Variants in SLC12A8 observed in about 807,000 individuals in gnomAD.
SLC12A8 encodes the protein cation-chloride cotransporter 9.
A neutral mutation model predicts 75.6 loss-of-function variants in SLC12A8; 69 were observed. That is an observed-to-expected ratio of 0.91 (90% confidence interval 0.75 to 1.11). SLC12A8 has a LOEUF of 1.11. Ranked by LOEUF, SLC12A8 falls within the 50% of genes most tolerant of loss-of-function variation. The pLI is 0.00. For missense variants in SLC12A8, 877 were observed against 896.7 expected (o/e 0.98, Z 0.28); for synonymous variants, 365 against 372.8 (o/e 0.98, Z 0.24).
At chr3:125,094,186 T>G (rs548806185) in intron 10 of SLC12A8, among the ~76,000 whole-genome samples, 1 of 152,268 alleles carries the variant, frequency 6.6e-6, no homozygotes, top group African/African-American at 2.4e-5. Flanking sequence ...AACGTTAAGC[T>G]CATTTGCTCT....
intron 8 of SLC12A8, among the ~76,000 whole-genome samples, chr3:125,112,100 A>G (rs1560055229): frequency 6.6e-6 from 1 of 152,208 alleles, no homozygotes; most frequent in African/African-American, 2.4e-5. Context: ...TTGGGTTTCT[A>G]TTACACACAA....
rs1939081582 is a variant in SLC12A8 at position 125,108,019 on chromosome 3, G to C, written c.1167C>G (p.Ile389Met). ...CTGCAACGTATGTCAGCATGAAGTT[G>C]ATGGTGACGATGGGGGCCAGAACGT... is the stretch of plus-strand genomic sequence containing the variant. ...QVNVLAPIVT[I>M]NFMLTYVAVD... The change falls in exon 10 of 14, where the codon ATC becomes ATG. Residue 389 changes from isoleucine to methionine, a missense_variant. Physicochemically the swap from Ile to Met is conservative, Grantham distance 10. Coordinates refer to ENST00000469902, the MANE Select transcript of SLC12A8 (RefSeq NM_024628.6). 2.5e-6 allele frequency: 4 copies of C among 1,614,034 alleles called. No homozygotes were observed. Among genetic ancestry groups the C allele is most frequent in the Non-Finnish European group, 3.4e-6 (4 of 1,180,026 alleles).
chr3:125,192,279 C>G (rs1334900001), intron 2 of SLC12A8, among the ~76,000 whole-genome samples: 3 of 152,088 alleles, frequency 2.0e-5, no homozygotes, highest in Non-Finnish European at 4.4e-5. Flanking sequence ...GGGGGCCCCA[C>G]TGAGGGCTGA....
intron 5 of SLC12A8, among the ~76,000 whole-genome samples, chr3:125,159,468 G>A (rs1934117969): frequency 6.6e-6 from 1 of 152,204 alleles, no homozygotes; most frequent in South Asian, 2.1e-4. Flanking sequence ...AATTTCAGAA[G>A]TTAAAAAGTA....
intron 7 of SLC12A8, among the ~76,000 whole-genome samples, chr3:125,120,160 A>G (rs1330697243): frequency 1.3e-5 from 2 of 152,202 alleles, no homozygotes; most frequent in African/African-American, 4.8e-5. Flanking sequence ...AGAACTCAGT[A>G]AATTGTCCAG....
chr3:125,137,573 G>A (rs534483042), intron 5 of SLC12A8, among the ~76,000 whole-genome samples: 6 of 152,260 alleles, frequency 3.9e-5, no homozygotes, highest in South Asian at 2.1e-4. Context: ...ACATCTGAGC[G>A]GAGGGCTGTG....
At chr3:125,117,217 G>A (rs1345042941) in intron 8 of SLC12A8, among the ~76,000 whole-genome samples, 3 of 152,104 alleles carry the variant, frequency 2.0e-5, no homozygotes, top group Non-Finnish European at 4.4e-5. Flanking sequence ...AGAGTTTCCT[G>A]CCCCAGGTTG....
chr3:125,205,312 C>T (rs150156543), intron 2 of SLC12A8, among the ~76,000 whole-genome samples: 19 of 152,266 alleles, frequency 1.2e-4, no homozygotes, highest in East Asian at 9.6e-4. Context: ...TCAGTGGCAT[C>T]GACCTCTGCA....
rs924707648 is a variant in SLC12A8, at chr3:125,187,334, C to T, written c.293G>A (p.Arg98His). The T allele has an allele frequency of 7.4e-6, 12 of 1,614,206 alleles. No homozygotes were observed. Among genetic ancestry groups the T allele is most frequent in the East Asian group, 2.2e-5 (1 of 44,880 alleles). The change falls in exon 4 of 14, where the codon CGC becomes CAC. Residue 98 changes from arginine (R) to histidine (H), a missense_variant. By Grantham distance (29) the Arg-to-His change is conservative. Coordinates refer to ENST00000469902, the MANE Select transcript of SLC12A8 (RefSeq NM_024628.6). The part of the protein sequence containing the change: ...TVLSGIGVGE[R>H]SSIGSGGVYS... The stretch of plus-strand genomic sequence containing the variant: ...GACGCCACCGCTGCCGATGCTGCTG[C>T]GCTCCCCGACGCCAATGCCAGACAG...
chr3:125,199,062 G>T (rs569493021), intron 2 of SLC12A8, among the ~76,000 whole-genome samples: 3 of 152,280 alleles, frequency 2.0e-5, no homozygotes, highest in East Asian at 1.9e-4. Context: ...ATAGGCGTGA[G>T]CCACCATGCC....
At chr3:125,196,792 G>A (rs1935016342) in intron 2 of SLC12A8, among the ~76,000 whole-genome samples, 1 of 152,138 alleles carries the variant, frequency 6.6e-6, no homozygotes, top group Non-Finnish European at 1.5e-5. Context: ...AGCCAGGTGT[G>A]GTGGTGCATG....
intron 13 of SLC12A8, 146 bp from the exon 14 acceptor site, chr3:125,084,198 A>C: frequency 1.6e-6 from 1 of 631,862 alleles, no homozygotes; most frequent in Non-Finnish European, 2.7e-6. Context: ...GTATATGTAC[A>C]GGTATATATG....
At chr3:125,127,321 C>G (rs913393196) in intron 6 of SLC12A8, among the ~76,000 whole-genome samples, 1 of 152,186 alleles carries the variant, frequency 6.6e-6, no homozygotes, top group African/African-American at 2.4e-5. Context: ...CAGACAGTGT[C>G]AAATAATGCA....
At chr3:125,180,967 T>C (rs767582875) in intron 4 of SLC12A8, among the ~76,000 whole-genome samples, 4 of 152,218 alleles carry the variant, frequency 2.6e-5, no homozygotes, top group African/African-American at 4.8e-5. Context: ...AAATGTATCA[T>C]AGAAGTTTAA....
At chr3:125,099,338 G>A (rs567975830) in intron 10 of SLC12A8, among the ~76,000 whole-genome samples, 3 of 152,240 alleles carry the variant, frequency 2.0e-5, no homozygotes, top group East Asian at 1.9e-4. Context: ...CAAAAACTCA[G>A]AAATATATAT....
chr3:125,110,067 G>A (rs1939148391), intron 9 of SLC12A8, 122 bp downstream of exon 9: 4 of 1,083,916 alleles, frequency 3.7e-6, no homozygotes, highest in Middle Eastern at 2.1e-4. Context: ...TATTTTCTGT[G>A]TCACCCCAAA....
intron 11 of SLC12A8, 66 bp from the exon 12 acceptor site, chr3:125,091,622 G>C (rs1190270312): frequency 1.2e-5 from 12 of 1,025,126 alleles, no homozygotes; most frequent in Middle Eastern, 2.1e-4. Context: ...AAGCCACAAG[G>C]CTAATGTCTT....
chr3:125,182,142 T>C (rs925116888), intron 4 of SLC12A8, among the ~76,000 whole-genome samples: 3 of 152,194 alleles, frequency 2.0e-5, no homozygotes, highest in African/African-American at 7.2e-5. Context: ...CTGGGTAACA[T>C]GTCAAAACTT....
intron 10 of SLC12A8, among the ~76,000 whole-genome samples, chr3:125,094,686 T>C (rs1938669897): frequency 1.3e-5 from 2 of 152,356 alleles, no homozygotes; most frequent in African/African-American, 4.8e-5. Context: ...AGCTCACCCC[T>C]AGTTATTGTC....
Sources: allele counts gnomAD v4.1 joint callset (sites outside exome capture counted in the v4.1 genomes callset), GRCh38; gene constraint gnomAD v4.1.1; transcripts MANE v1.5; gene names NCBI Gene and HGNC (gene_info 2026-07-23, HGNC 2026-07-21).